SHISAL1: variants seen among roughly 807,000 people sequenced by gnomAD.
SHISAL1 encodes the protein protein shisa-like-1.
SHISAL1 carries 9 observed loss-of-function variants against 22.6 expected under a neutral mutation model. That is an observed-to-expected ratio of 0.40 (90% CI 0.24 to 0.70). The LOEUF is 0.70. Among genes scored for constraint, SHISAL1 ranks in the 30% least tolerant of loss-of-function variants. The pLI, the probability that SHISAL1 is intolerant of heterozygous loss-of-function variation, is 0.39. For missense variants in SHISAL1, 246 were observed against 270.6 expected, an observed-to-expected ratio of 0.91 and a Z score of 0.64; for synonymous variants, 119 against 115.4, an observed-to-expected ratio of 1.03 and a Z score of -0.20.
intron 1 of SHISAL1, among the ~76,000 whole-genome samples, chr22:44,309,587 C>CT (rs374970370): frequency 3.5e-4 from 53 of 152,282 alleles, no homozygotes; most frequent in African/African-American, 1.2e-3. Flanking sequence ...GGAGAGGGGA[C>CT]TCAAACCCCG....
intron 3 of SHISAL1, among the ~76,000 whole-genome samples, chr22:44,290,532 A>AAAAAAAAAAAC (rs1267271410): frequency 2.7e-5 from 4 of 150,712 alleles, no homozygotes; most frequent in Admixed American, 6.6e-5. Context: ...TCAGTCTCAA[A>AAAAAAAAAAAC]AAAAAAAAAA....
the SHISAL1 span, among the ~76,000 whole-genome samples, chr22:44,325,209 C>G: frequency 6.6e-6 from 1 of 151,080 alleles, no homozygotes; most frequent in African/African-American, 2.4e-5. Flanking sequence ...AGCAACTGCA[C>G]TCCAGCCTGG....
intron 4 of SHISAL1, among the ~76,000 whole-genome samples, chr22:44,273,164 G>A (rs910633468): frequency 1.3e-5 from 2 of 152,150 alleles, no homozygotes; most frequent in African/African-American, 2.4e-5. Flanking sequence ...GAGCAAGTGA[G>A]ATTATGTGAG....
rs1030298312 is a variant in SHISAL1 at position 44,247,498 on chromosome 22, C to G, written c.*2187G>C. ...AAGCCATTCCTTTCTCCAATCGAGA[C>G]CCCAAGCAGAGGTTCTCCCACTTTG... On this transcript the variant is annotated 3_prime_UTR_variant, in exon 5 of 5. Coordinates refer to ENST00000381176, the MANE Select transcript of SHISAL1 (RefSeq NM_001099294.2). 7.2e-5 allele frequency: 11 copies of G among 152,514 alleles called. No homozygotes were observed. The highest frequency in any genetic ancestry group is 2.6e-4 in the African/African-American group (11 of 41,570). 9.4% of individuals were successfully genotyped at this position (152,514 alleles called of 1,614,324 possible). A position where few individuals can be genotyped will look rare whatever the true frequency, so the allele number is the denominator to read the frequency against.
chr22:44,284,797 C>T lies in SHISAL1; in HGVS notation c.599+631G>A, dbSNP rs542343173. On this transcript the variant is annotated intron_variant, in intron 4 of 4. Coordinates refer to ENST00000381176, the MANE Select transcript of SHISAL1 (RefSeq NM_001099294.2). Reference sequence around the variant, plus strand: ...CCATCCCCACCATACTGGAACTGGGCGGAAATGGGAATTGCAGTAGACAAG... The same window carrying T: ...CCATCCCCACCATACTGGAACTGGGTGGAAATGGGAATTGCAGTAGACAAG... Among the ~76,000 whole-genome samples the T allele has an allele frequency of 4.6e-5, 7 of 152,218 alleles. No individual in the cohort carries two copies. The South Asian group carries it at 1.5e-3, about 32-fold the overall frequency.
In SHISAL1 at chr22:44,256,889, G is replaced by A. The variant is rs556991484; in HGVS notation, c.*-7204C>T. On this transcript the variant is annotated intron_variant, in intron 4 of 4. Transcript: ENST00000381176. ...AGAAATTACCCAAAGGATCTGGGAA[G>A]GTAGAATCTAAACAGACCAATTGCC... 2.3e-4 allele frequency among the ~76,000 whole-genome samples: 35 copies of A among 152,270 alleles called. 1 individual carries two copies. The South Asian group carries it at 7.1e-3, about 31-fold the overall frequency.
At chr22:44,304,323 T>C (rs372753754) in intron 1 of SHISAL1, among the ~76,000 whole-genome samples, 70 of 152,374 alleles carry the variant, frequency 4.6e-4, no homozygotes, top group African/African-American at 1.5e-3. Context: ...ACAGTGCTCA[T>C]GGCCTGGCCC....
chr22:44,261,723 G>A (rs1053993179), intron 4 of SHISAL1, among the ~76,000 whole-genome samples: 21 of 152,362 alleles, frequency 1.4e-4, no homozygotes, highest in Non-Finnish European at 2.9e-4. Flanking sequence ...CTGCTCTCAC[G>A]GCAAACACGC....
upstream of SHISAL1, among the ~76,000 whole-genome samples, chr22:44,316,154 C>G (rs1252784887): frequency 6.6e-6 from 1 of 152,126 alleles, no homozygotes; most frequent in Non-Finnish European, 1.5e-5. Context: ...AGATTTGGAG[C>G]AGACCAAGCC....
upstream of SHISAL1, among the ~76,000 whole-genome samples, chr22:44,316,401 C>A (rs888368773): frequency 7.8e-6 from 1 of 128,614 alleles, no homozygotes; most frequent in Non-Finnish European, 1.6e-5. Flanking sequence ...TGGATCAGAA[C>A]CAGGGTGGGG....
At chr22:44,263,103 G>C (rs1206799514) in intron 4 of SHISAL1, among the ~76,000 whole-genome samples, 1 of 24,858 alleles carries the variant, frequency 4.0e-5, no homozygotes, top group Non-Finnish European at 1.1e-4. Context: ...TTTTTTTGGA[G>C]ATGGAGTCTG....
At chr22:44,266,024 A>C (rs892104145) in intron 4 of SHISAL1, among the ~76,000 whole-genome samples, 1 of 152,124 alleles carries the variant, frequency 6.6e-6, no homozygotes, top group African/African-American at 2.4e-5. Context: ...TCTCTGCTTC[A>C]GGGGAGAGTT....
intron 1 of SHISAL1, among the ~76,000 whole-genome samples, chr22:44,307,826 C>T (rs969170749): frequency 6.6e-6 from 1 of 152,234 alleles, no homozygotes; most frequent in African/African-American, 2.4e-5. Context: ...GGAACAGCAA[C>T]GGATCTGTTT....
intron 4 of SHISAL1, among the ~76,000 whole-genome samples, chr22:44,263,536 ACT>A (rs902933755): frequency 3.3e-5 from 5 of 152,070 alleles, no homozygotes; most frequent in African/African-American, 9.7e-5. Flanking sequence ...GGAGAAAGAG[ACT>A]CTGCTGACGC....
At chr22:44,326,284 G>A in the SHISAL1 span, among the ~76,000 whole-genome samples, 125 of 152,184 alleles carry the variant, frequency 8.2e-4, no homozygotes, top group African/African-American at 2.8e-3. Context: ...CTAAGAAAAC[G>A]GCACTTTATT....
intron 4 of SHISAL1, among the ~76,000 whole-genome samples, chr22:44,279,482 C>G (rs2147286202): frequency 6.6e-6 from 1 of 152,356 alleles, no homozygotes; most frequent in African/African-American, 2.4e-5. Flanking sequence ...ACGCCAAGGA[C>G]CCTGGCTGCA....
chr22:44,293,563 C>T (rs1027813815), intron 3 of SHISAL1, among the ~76,000 whole-genome samples: 2 of 152,186 alleles, frequency 1.3e-5, no homozygotes, highest in African/African-American at 4.8e-5. Context: ...GGGGCCTCTC[C>T]TCAGTAGGAT....
intron 1 of SHISAL1, among the ~76,000 whole-genome samples, chr22:44,309,308 A>T (rs7284620): frequency 0.82 from 124,636 of 152,170 alleles, 51,222 homozygotes; most frequent in Admixed American, 0.88. Flanking sequence ...CTATGTGGGC[A>T]CGATGATTAG....
chr22:44,317,295 C>T (rs560624582), upstream of SHISAL1, among the ~76,000 whole-genome samples: 15 of 152,326 alleles, frequency 9.8e-5, no homozygotes, highest in East Asian at 9.7e-4. Flanking sequence ...GAGCAGGGCC[C>T]GGCCAGCCAC....
Sources: gnomAD v4.1 joint callset for allele counts (sites outside exome capture counted in the v4.1 genomes callset) on GRCh38, gnomAD v4.1.1 for gene constraint, MANE v1.5 for transcripts, NCBI Gene and HGNC (gene_info 2026-07-23, HGNC 2026-07-21) for gene names.